The following SYNGR1 variants were observed in gnomAD, a reference collection of about 807,000 sequenced individuals.
SYNGR1 encodes synaptogyrin 1.
Under a neutral mutation model 26.1 loss-of-function variants are expected in SYNGR1, and 14 were observed. The observed-to-expected ratio is 0.54, with a 90% CI of 0.35 to 0.84. SYNGR1 has a LOEUF of 0.84. SYNGR1 is among the 40% of genes least tolerant of loss of function. The pLI, the probability that SYNGR1 is intolerant of heterozygous loss-of-function variation, is 0.01. For synonymous variants in SYNGR1, 141 were observed against 150.1 expected (o/e 0.94, Z 0.44); for missense variants, 319 against 332.9 (o/e 0.96, Z 0.33).
In SYNGR1 at chr22:39,370,653, C is replaced by T. The variant is rs138761700; in HGVS notation, c.100-3663C>T. Among the ~76,000 whole-genome samples, 1,129 of 151,132 alleles carry T rather than the reference C, an allele frequency of 7.5e-3. 20 individuals are homozygous for T. The highest frequency in any genetic ancestry group is 0.026 in the African/African-American group (1,068 of 41,102). Reference sequence around the variant, plus strand: ...TTTTTTTTTTTTTGAGACAATGTCCCGCTCTGTCGGCTGGAGTGCAGTGAC... The same window carrying T: ...TTTTTTTTTTTTTGAGACAATGTCCTGCTCTGTCGGCTGGAGTGCAGTGAC... On this transcript the variant is annotated intron_variant, in intron 1 of 3. Coordinates refer to ENST00000328933, the MANE Select transcript of SYNGR1 (RefSeq NM_004711.5).
chr22:39,377,370 G>T, intron 3 of SYNGR1: 1 of 985,432 alleles, frequency 1.0e-6, no homozygotes, highest in African/African-American at 1.7e-5. Context: ...GAAGAACCAG[G>T]TGACCCCAGG....
intron 1 of SYNGR1, among the ~76,000 whole-genome samples, chr22:39,372,621 A>G (rs1925081703): frequency 6.6e-6 from 1 of 151,518 alleles, no homozygotes; most frequent in Non-Finnish European, 1.5e-5. Context: ...GGCATGTGCT[A>G]CCACACCTGG....
intron 1 of SYNGR1, among the ~76,000 whole-genome samples, chr22:39,355,412 C>T (rs1456775271): frequency 3.9e-5 from 6 of 152,234 alleles, no homozygotes; most frequent in African/African-American, 1.4e-4. Context: ...TTGCTGACCA[C>T]CCTGGAGTCT....
At chr22:39,376,982 T>C in intron 3 of SYNGR1, 1 of 1,550,540 alleles carries the variant, frequency 6.4e-7, no homozygotes, top group Non-Finnish European at 8.7e-7. Flanking sequence ...CTGGGTCATG[T>C]CTGTTTCTTC....
In SYNGR1 at chr22:39,376,122, G is replaced by A; in HGVS notation, c.408G>A (p.Lys136=). 2 of 1,614,206 alleles carry A rather than the reference G, an allele frequency of 1.2e-6. No individual in the cohort carries two copies. Among genetic ancestry groups the A allele is most frequent in the Non-Finnish European group, 1.7e-6 (2 of 1,180,044 alleles). The change falls in exon 3 of 4, where the codon AAG becomes AAA. Residue 136 remains lysine, a synonymous_variant. Coordinates refer to ENST00000328933, the MANE Select transcript of SYNGR1 (RefSeq NM_004711.5). The part of the protein sequence containing the change: ...LANQWQVSKP[K]DNPLNEGTDA... ...ACCAGTGGCAGGTCTCCAAGCCCAAGGACAACCCACTGAACGAAGGGACGG... is the reference window on the plus strand; with the variant it reads ...ACCAGTGGCAGGTCTCCAAGCCCAAAGACAACCCACTGAACGAAGGGACGG...
intron 3 of SYNGR1, 68 bp from the exon 4 acceptor site, chr22:39,381,628 C>T (rs1348907479): frequency 1.3e-6 from 2 of 1,537,948 alleles, no homozygotes; most frequent in East Asian, 2.3e-5. Context: ...TAACCCAGTG[C>T]TCTTGTCTGT....
chr22:39,358,163 A>G (rs1266871736), intron 1 of SYNGR1, among the ~76,000 whole-genome samples: 7 of 152,166 alleles, frequency 4.6e-5, no homozygotes, highest in Non-Finnish European at 8.8e-5. Flanking sequence ...GAGTGCACCA[A>G]TCGACACTCT....
rs777416803 is a variant in SYNGR1, at chr22:39,365,988, CTTTT to C, written c.100-8304_100-8301del. ...CGTGAGCCACCGCGCTCAGCCCCTT[CTTTT>C]TTTTTTTTTTTTTTTTTTTTTTTGA... On this transcript the variant is annotated intron_variant, in intron 1 of 3. Coordinates refer to ENST00000328933, the MANE Select transcript of SYNGR1 (RefSeq NM_004711.5). 8.5e-4 allele frequency among the ~76,000 whole-genome samples: 58 copies of C among 68,378 alleles called. 1 individual carries two copies. Among genetic ancestry groups the C allele is most frequent in the African/African-American group, 2.2e-3 (42 of 18,938 alleles). 44.9% of individuals were successfully genotyped at this position (68,378 alleles called of 152,430 possible). A position where few individuals can be genotyped will look rare whatever the true frequency, so the allele number is the denominator to read the frequency against.
intron 2 of SYNGR1, 123 bp from the exon 3 acceptor site, chr22:39,375,928 TG>T: frequency 1.5e-6 from 2 of 1,299,510 alleles, no homozygotes; most frequent in Non-Finnish European, 2.2e-6. Context: ...CCTTTGGGGG[TG>T]GGGGAGCATG....
chr22:39,361,333 A>G (rs1160999456), intron 1 of SYNGR1, among the ~76,000 whole-genome samples: 1 of 150,282 alleles, frequency 6.7e-6, no homozygotes, highest in Non-Finnish European at 1.5e-5. Flanking sequence ...AAAAGCAGAC[A>G]GAACTGGATG....
Position 39,381,701 on chromosome 22 carries a change from C to T in SYNGR1, c.489C>T (p.Gly163=), listed in dbSNP as rs767749753. Residue 163 remains glycine, a synonymous_variant, in exon 4 of 4, where the codon GGC becomes GGT. Coordinates refer to ENST00000328933, the MANE Select transcript of SYNGR1 (RefSeq NM_004711.5). ...TCGCCGGCCTTTGTCCCCAGGCGGG[C>T]CAGGCTGTGCTGGCCTTCCAGCGGT... The part of the protein sequence containing the change: ...FSFFSIFTWA[G]QAVLAFQRYQ... The T allele has an allele frequency of 1.2e-6, 2 of 1,613,356 alleles. No homozygotes were observed. Among genetic ancestry groups the T allele is most frequent in the Non-Finnish European group, 1.7e-6 (2 of 1,180,004 alleles).
intron 1 of SYNGR1, among the ~76,000 whole-genome samples, chr22:39,358,998 CT>C (rs1924324650): frequency 6.6e-6 from 1 of 152,246 alleles, no homozygotes; most frequent in Non-Finnish European, 1.5e-5. Flanking sequence ...CATGCAGGAG[CT>C]TTAACAAGTT....
chr22:39,374,826 G>A (rs1051463106), intron 2 of SYNGR1: 21 of 528,160 alleles, frequency 4.0e-5, no homozygotes, highest in Non-Finnish European at 7.2e-5. Context: ...GATGGCACTG[G>A]GCATGTGCCA....
chr22:39,355,927 G>A (rs1924123403), intron 1 of SYNGR1, among the ~76,000 whole-genome samples: 1 of 152,212 alleles, frequency 6.6e-6, no homozygotes. Context: ...GCTGAGGCAT[G>A]AGTATCGCTT....
rs1259053282 is a variant in SYNGR1, at chr22:39,350,359, C to T, written c.99+250C>T. ...CCCGGAGCCCTGGTTTCCTGGGGCC[C>T]CCGGTTCGTGCGCCCCCCTTCCCGC... On this transcript the variant is annotated intron_variant, in intron 1 of 3. Coordinates refer to ENST00000328933, the MANE Select transcript of SYNGR1 (RefSeq NM_004711.5). The surrounding 1 kb of genome is among the most constrained non-coding windows in gnomAD (Gnocchi z 4.3). Among the ~76,000 whole-genome samples, 1 of 152,124 alleles carries T rather than the reference C, an allele frequency of 6.6e-6. No homozygotes were observed. The highest frequency in any genetic ancestry group is 1.5e-5 in the Non-Finnish European group (1 of 68,000).
At chr22:39,374,899 A>C in intron 2 of SYNGR1, 2 of 389,710 alleles carry the variant, frequency 5.1e-6, no homozygotes, top group Non-Finnish European at 4.9e-6. Flanking sequence ...GGGCAGCCTC[A>C]TGAGGACTAA....
intron 3 of SYNGR1, chr22:39,377,742 G>A (rs368898952): frequency 2.9e-5 from 46 of 1,599,776 alleles, no homozygotes; most frequent in Middle Eastern, 1.7e-4. Flanking sequence ...TGGCAGTGAG[G>A]TGGCAGGAGC....
At chr22:39,360,760 G>A (rs1379973466) in intron 1 of SYNGR1, among the ~76,000 whole-genome samples, 1 of 152,214 alleles carries the variant, frequency 6.6e-6, no homozygotes, top group Non-Finnish European at 1.5e-5. Context: ...GGACAGGCAG[G>A]TGACACCAGC....
chr22:39,377,639 A>C (rs1443503528), intron 3 of SYNGR1: 1 of 1,613,870 alleles, frequency 6.2e-7, no homozygotes, highest in African/African-American at 1.3e-5. Context: ...TCAAGGACCT[A>C]AGCTTCCAGG....
Sources: allele counts gnomAD v4.1 joint callset (sites outside exome capture counted in the v4.1 genomes callset), GRCh38; gene constraint gnomAD v4.1.1; non-coding constraint Gnocchi (gnomAD v3.1); transcripts MANE v1.5; gene names NCBI Gene and HGNC (gene_info 2026-07-23, HGNC 2026-07-21).